Variants in LAMA2 observed in about 807,000 individuals in gnomAD.
LAMA2 encodes the protein laminin subunit alpha-2.
In LAMA2, 269 loss-of-function variants were observed where a neutral mutation model predicts 364.8. The ratio of observed to expected loss-of-function variants is 0.74; its 90% CI spans 0.67 to 0.82. LAMA2 has a LOEUF of 0.82. LAMA2 is among the 40% of genes least tolerant of loss of function. LAMA2 has a pLI of 0.00. For synonymous variants in LAMA2, 1,379 were observed against 1,370.6 expected, an observed-to-expected ratio of 1.01 and a Z score of -0.14; for missense variants, 3,807 against 3,873.2, an observed-to-expected ratio of 0.98 and a Z score of 0.45.
chr6:129,053,011 A>T (rs1007297529), intron 2 of LAMA2, among the ~76,000 whole-genome samples: 3 of 152,234 alleles, frequency 2.0e-5, no homozygotes, highest in African/African-American at 7.2e-5. Flanking sequence ...TAAGACACCA[A>T]AGAAGGCAAC....
chr6:129,399,759 T>C (rs371719705), intron 37 of LAMA2, among the ~76,000 whole-genome samples: 3 of 152,264 alleles, frequency 2.0e-5, no homozygotes, highest in South Asian at 4.1e-4. Flanking sequence ...ACTAGTTGTA[T>C]GTACCTGGCA....
At chr6:129,391,711 C>T in intron 36 of LAMA2, 58 bp downstream of exon 36, 1 of 1,499,324 alleles carries the variant, frequency 6.7e-7, no homozygotes, top group Non-Finnish European at 9.3e-7. Flanking sequence ...AGATAATTTA[C>T]AGTTTTCTAA....
intron 39 of LAMA2, 144 bp downstream of exon 39, chr6:129,402,631 G>A (rs556063672): frequency 7.2e-6 from 6 of 831,726 alleles, no homozygotes; most frequent in Non-Finnish European, 1.2e-5. Context: ...CTGTGGATAG[G>A]CTTAATTAGG....
intron 3 of LAMA2, among the ~76,000 whole-genome samples, chr6:129,073,760 C>G (rs950457695): frequency 6.6e-6 from 1 of 152,158 alleles, no homozygotes; most frequent in African/African-American, 2.4e-5. Flanking sequence ...TATCTCTCCA[C>G]TTAGTCATCT....
At chr6:129,284,788 T>C (rs965029563) in intron 18 of LAMA2, among the ~76,000 whole-genome samples, 5 of 151,952 alleles carry the variant, frequency 3.3e-5, no homozygotes, top group Non-Finnish European at 5.9e-5. Flanking sequence ...CCCTCTAACA[T>C]TGTTCCTAAA....
chr6:129,414,763 C>T (rs1358614128), intron 40 of LAMA2, among the ~76,000 whole-genome samples: 2 of 152,156 alleles, frequency 1.3e-5, no homozygotes, highest in Admixed American at 1.3e-4. Context: ...TTTAAATGAT[C>T]AGAGGCTGAT....
At chr6:129,486,696 A>G in intron 56 of LAMA2, 74 bp downstream of exon 56, 1 of 1,359,046 alleles carries the variant, frequency 7.4e-7, no homozygotes. Context: ...ATCTATCAGT[A>G]TCTGCCTGAA....
At chr6:128,945,723 A>G (rs1254389328) in intron 1 of LAMA2, among the ~76,000 whole-genome samples, 1 of 152,160 alleles carries the variant, frequency 6.6e-6, no homozygotes, top group African/African-American at 2.4e-5. Flanking sequence ...AGATTCTAAG[A>G]TGACCCTCAA....
chr6:129,087,048 T>C (rs1032280519), intron 3 of LAMA2, among the ~76,000 whole-genome samples: 1 of 152,202 alleles, frequency 6.6e-6, no homozygotes, highest in Admixed American at 6.5e-5. Flanking sequence ...TATGATTACA[T>C]TGAGCCCAGT....
intron 3 of LAMA2, among the ~76,000 whole-genome samples, chr6:129,079,494 C>T (rs987860443): frequency 2.6e-5 from 4 of 151,648 alleles, no homozygotes; most frequent in Admixed American, 6.6e-5. Context: ...TTTTACATTC[C>T]CATCGGCCAT....
In LAMA2 at chr6:129,369,963, G is replaced by T; in HGVS notation, c.4932G>T (p.Val1644=). Residue 1644 remains valine, a synonymous_variant, in exon 34 of 65, where the codon GTG becomes GTT. Coordinates refer to ENST00000421865, the MANE Select transcript of LAMA2 (RefSeq NM_000426.4). ...QLAEGNLNTL[V]TEMNELLTRA... ...CAGAGGGCAATCTGAATACACTCGT[G>T]ACCGAAATGAACGAGCTGCTGACCA... The T allele has an allele frequency of 6.2e-7, 1 of 1,614,054 alleles. No homozygotes were observed. Among genetic ancestry groups the T allele is most frequent in the Non-Finnish European group, 8.5e-7 (1 of 1,179,972 alleles).
intron 29 of LAMA2, among the ~76,000 whole-genome samples, chr6:129,329,028 C>T (rs1562464658): frequency 6.6e-6 from 1 of 152,192 alleles, no homozygotes; most frequent in Non-Finnish European, 1.5e-5. Flanking sequence ...ACCCTGCACT[C>T]TCTACCACCA....
At chr6:129,513,484 T>G (rs12205363) in intron 63 of LAMA2, among the ~76,000 whole-genome samples, 1 of 152,166 alleles carries the variant, frequency 6.6e-6, no homozygotes, top group African/African-American at 2.4e-5. Context: ...AAGCCTGTTA[T>G]GCAAACTCCA....
chr6:129,430,174 C>A (rs1781518955), intron 41 of LAMA2, among the ~76,000 whole-genome samples: 1 of 152,132 alleles, frequency 6.6e-6, no homozygotes, highest in Admixed American at 6.5e-5. Flanking sequence ...CCATATATTA[C>A]TACCAGGAAC....
intron 40 of LAMA2, among the ~76,000 whole-genome samples, chr6:129,414,833 A>G (rs1208289685): frequency 6.6e-6 from 1 of 152,214 alleles, no homozygotes; most frequent in Non-Finnish European, 1.5e-5. Context: ...CAGCTCCAGG[A>G]TCAACAATTC....
intron 6 of LAMA2, 114 bp downstream of exon 6, chr6:129,147,162 C>G (rs1778509038): frequency 1.3e-6 from 1 of 753,182 alleles, no homozygotes; most frequent in African/African-American, 1.7e-5. Flanking sequence ...CCCACTTAGA[C>G]AGTGTAACAG....
chr6:129,399,401 T>C (rs1477532075), intron 37 of LAMA2, among the ~76,000 whole-genome samples: 1 of 152,214 alleles, frequency 6.6e-6, no homozygotes, highest in East Asian at 1.9e-4. Flanking sequence ...TGGATTGAGA[T>C]TATGCATTTC....
intron 19 of LAMA2, among the ~76,000 whole-genome samples, chr6:129,291,076 G>A (rs1241357766): frequency 1.3e-5 from 2 of 152,114 alleles, no homozygotes; most frequent in Non-Finnish European, 2.9e-5. Context: ...TAGATTAATA[G>A]TAACATTAAA....
intron 12 of LAMA2, among the ~76,000 whole-genome samples, chr6:129,230,729 T>C (rs1199704885): frequency 6.6e-6 from 1 of 152,096 alleles, no homozygotes; most frequent in Non-Finnish European, 1.5e-5. Context: ...TTCAGATGTA[T>C]CCAGCTCAGC....
Sources: gnomAD v4.1 joint callset for allele counts (sites outside exome capture counted in the v4.1 genomes callset) on GRCh38, gnomAD v4.1.1 for gene constraint, MANE v1.5 for transcripts, NCBI Gene and HGNC (gene_info 2026-07-23, HGNC 2026-07-21) for gene names.